HCN1: variants seen among roughly 807,000 people sequenced by gnomAD.
HCN1 encodes hyperpolarization activated cyclic nucleotide gated potassium channel 1.
Under a neutral mutation model 78.9 loss-of-function variants are expected in HCN1, and 13 were observed. The observed-to-expected ratio is 0.16, with a 90% CI of 0.11 to 0.26. HCN1 has a LOEUF of 0.26. Ranked by LOEUF, HCN1 falls within the 10% of genes least tolerant of loss-of-function variation. The pLI, the probability that HCN1 is intolerant of heterozygous loss-of-function variation, is 1.00. For missense variants in HCN1, 810 were observed against 1,154.3 expected, an observed-to-expected ratio of 0.70 and a Z score of 4.32; for synonymous variants, 552 against 455.5, an observed-to-expected ratio of 1.21 and a Z score of -2.70.
intron 6 of HCN1, among the ~76,000 whole-genome samples, chr5:45,281,579 CTTTTTTTTT>C (rs751307473): frequency 1.2e-5 from 1 of 81,664 alleles, no homozygotes; most frequent in African/African-American, 4.8e-5. Flanking sequence ...CTCTTCTCTT[CTTTTTTTTT>C]TTTTTTTTTT....
intron 2 of HCN1, among the ~76,000 whole-genome samples, chr5:45,503,329 A>G (rs542172953): frequency 1.3e-5 from 2 of 152,298 alleles, no homozygotes; most frequent in African/African-American, 4.8e-5. Context: ...CAAACTCCAG[A>G]TCTCGAGAAA....
chr5:45,473,318 G>A lies in HCN1; in HGVS notation c.850-11311C>T, dbSNP rs566535296. ...TCCTATACTGTCTAGTGATATTGGCGTATTTCTAGATAGCATGCATATATT... is the reference window on the plus strand; with the variant it reads ...TCCTATACTGTCTAGTGATATTGGCATATTTCTAGATAGCATGCATATATT... On this transcript the variant is annotated intron_variant, in intron 2 of 7. Transcript: ENST00000303230. Among the ~76,000 whole-genome samples, 9 of 151,970 alleles carry A rather than the reference G, an allele frequency of 5.9e-5. No individual in the cohort carries two copies. In the South Asian group the frequency reaches 6.2e-4, roughly 11 times the overall value.
chr5:45,490,902 C>G (rs1005566707), intron 2 of HCN1, among the ~76,000 whole-genome samples: 1 of 152,058 alleles, frequency 6.6e-6, no homozygotes, highest in Non-Finnish European at 1.5e-5. Context: ...CTCATTTTAT[C>G]CACTTCTTCC....
intron 2 of HCN1, among the ~76,000 whole-genome samples, chr5:45,545,105 C>T (rs1219688301): frequency 2.0e-5 from 3 of 152,106 alleles, no homozygotes; most frequent in Admixed American, 2.0e-4. Flanking sequence ...TACTCTCCAG[C>T]ACCTGTTGTT....
chr5:45,262,837 TAGAA>T (rs1195104924), intron 7 of HCN1, 27 bp from the exon 8 acceptor site: 7 of 1,611,608 alleles, frequency 4.3e-6, no homozygotes, highest in Non-Finnish European at 5.1e-6. Flanking sequence ...GATAGGCACT[TAGAA>T]AGCCTACCAA....
At chr5:45,331,990 G>T (rs1039369424) in intron 5 of HCN1, among the ~76,000 whole-genome samples, 2 of 151,412 alleles carry the variant, frequency 1.3e-5, no homozygotes, top group African/African-American at 4.8e-5. Flanking sequence ...AGTCAACTGG[G>T]GGGATATTTT....
intron 2 of HCN1, among the ~76,000 whole-genome samples, chr5:45,537,521 G>GTGTT (rs1381285677): frequency 6.9e-5 from 2 of 28,842 alleles, no homozygotes; most frequent in Non-Finnish European, 1.7e-4. Flanking sequence ...GCAACTCTAA[G>GTGTT]TCTTTTTTTT....
intron 2 of HCN1, among the ~76,000 whole-genome samples, chr5:45,464,513 C>T (rs965589925): frequency 9.9e-5 from 15 of 152,084 alleles, no homozygotes; most frequent in Non-Finnish European, 1.8e-4. Flanking sequence ...AAATTGACAT[C>T]ACTTTTGGAG....
At chr5:45,468,334 A>G (rs1741321500) in intron 2 of HCN1, among the ~76,000 whole-genome samples, 1 of 152,144 alleles carries the variant, frequency 6.6e-6, no homozygotes, top group African/African-American at 2.4e-5. Flanking sequence ...TGTATTCTTT[A>G]TCAATCATGA....
intron 2 of HCN1, among the ~76,000 whole-genome samples, chr5:45,597,406 A>C (rs1744523725): frequency 6.6e-6 from 1 of 152,228 alleles, no homozygotes; most frequent in African/African-American, 2.4e-5. Flanking sequence ...CTAGGTATTG[A>C]TAGAACATAT....
At chr5:45,554,413 G>C (rs1201675678) in intron 2 of HCN1, among the ~76,000 whole-genome samples, 1 of 151,550 alleles carries the variant, frequency 6.6e-6, no homozygotes, top group Non-Finnish European at 1.5e-5. Flanking sequence ...TTACCATCTT[G>C]CCCACAGTAT....
intron 1 of HCN1, among the ~76,000 whole-genome samples, chr5:45,664,530 A>T (rs924080737): frequency 7.3e-5 from 11 of 151,528 alleles, no homozygotes; most frequent in Admixed American, 5.9e-4. Flanking sequence ...AATGGGAGAA[A>T]ATTTTCACAA....
intron 2 of HCN1, among the ~76,000 whole-genome samples, chr5:45,506,446 A>T (rs1742302932): frequency 6.6e-6 from 1 of 152,178 alleles, no homozygotes; most frequent in African/African-American, 2.4e-5. Flanking sequence ...CCTCATCAAA[A>T]TATTAAATAA....
chr5:45,657,420 T>C (rs563345333), intron 1 of HCN1, among the ~76,000 whole-genome samples: 1 of 152,298 alleles, frequency 6.6e-6, no homozygotes, highest in Admixed American at 6.5e-5. Flanking sequence ...AATACACATA[T>C]GGATGATATG....
At chr5:45,313,224 G>A (rs933031273) in intron 5 of HCN1, among the ~76,000 whole-genome samples, 1 of 152,158 alleles carries the variant, frequency 6.6e-6, no homozygotes, top group Non-Finnish European at 1.5e-5. Context: ...TCGATGTTCT[G>A]CAGCCTTCAT....
rs183812456 is a variant in HCN1, at chr5:45,446,646, G to A, written c.1011+15200C>T. 1.4e-3 allele frequency among the ~76,000 whole-genome samples: 212 copies of A among 152,252 alleles called. 2 individuals carry two copies. Among genetic ancestry groups the A allele is most frequent in the African/African-American group, 5.0e-3 (209 of 41,544 alleles). On this transcript the variant is annotated intron_variant, in intron 3 of 7. Transcript: ENST00000303230. ...TAAGGGCAGCCAGAGAGAAAGGTCC[G>A]GTTACCCTCAAAGGGAAGCCCATCA... is the stretch of plus-strand genomic sequence containing the variant.
chr5:45,649,372 C>T (rs993423404), intron 1 of HCN1, among the ~76,000 whole-genome samples: 12 of 151,908 alleles, frequency 7.9e-5, no homozygotes, highest in African/African-American at 2.7e-4. Context: ...TCAACATCCC[C>T]CACCATAAAA....
rs528604847 is a variant in HCN1, at chr5:45,624,531, G to T, written c.849+20654C>A. Among the ~76,000 whole-genome samples, 30 of 152,258 alleles carry T rather than the reference G, an allele frequency of 2.0e-4. No homozygotes were observed. In the East Asian group the frequency reaches 3.9e-3, roughly 20 times the overall value. On this transcript the variant is annotated intron_variant, in intron 2 of 7. Transcript: ENST00000303230. ...AGAGGAAAAGAGAAAGTCACCACTT[G>T]CAAGGGCTACAGGTGAAGCATTGCC... is the stretch of plus-strand genomic sequence containing the variant.
At chr5:45,568,406 G>GA (rs1037748185) in intron 2 of HCN1, among the ~76,000 whole-genome samples, 31 of 148,954 alleles carry the variant, frequency 2.1e-4, no homozygotes, top group South Asian at 4.2e-4. Flanking sequence ...TGCAAAATTT[G>GA]AAAAAAAAAG....
Sources: gnomAD v4.1 joint callset for allele counts (sites outside exome capture counted in the v4.1 genomes callset) on GRCh38, gnomAD v4.1.1 for gene constraint, MANE v1.5 for transcripts, NCBI Gene and HGNC (gene_info 2026-07-23, HGNC 2026-07-21) for gene names.